The following AGBL1 variants were observed in gnomAD, a reference collection of about 807,000 sequenced individuals.
The protein encoded by AGBL1 is cytosolic carboxypeptidase 4.
Under a neutral mutation model 118.9 loss-of-function variants are expected in AGBL1, and 130 were observed. The ratio of observed to expected loss-of-function variants is 1.09; its 90% CI spans 0.95 to 1.26. The LOEUF is 1.26. Among genes scored for constraint, AGBL1 ranks in the 50% most tolerant of loss-of-function variants. The pLI is 0.00. For missense variants in AGBL1, 1,584 were observed against 1,298.1 expected, an observed-to-expected ratio of 1.22 and a Z score of -3.38; for synonymous variants, 555 against 478.9, an observed-to-expected ratio of 1.16 and a Z score of -2.08.
At chr15:86,386,748 C>G (rs2081202272) in intron 17 of AGBL1, among the ~76,000 whole-genome samples, 1 of 152,086 alleles carries the variant, frequency 6.6e-6, no homozygotes, top group Non-Finnish European at 1.5e-5. Flanking sequence ...AGCCTGGGAC[C>G]TTCATAGTAC....
At chr15:86,774,438 C>T (rs921324552) in intron 22 of AGBL1, among the ~76,000 whole-genome samples, 6 of 152,074 alleles carry the variant, frequency 3.9e-5, no homozygotes, top group Admixed American at 1.3e-4. Context: ...TCAATTTATT[C>T]GTTGAGCAAA....
chr15:86,298,637 C>T (rs1053411399), intron 17 of AGBL1, among the ~76,000 whole-genome samples: 7 of 152,196 alleles, frequency 4.6e-5, no homozygotes, highest in African/African-American at 1.7e-4. Context: ...GTTTTACCTG[C>T]TTCCTGCCTC....
chr15:86,244,644 A>G (rs2078692486), intron 6 of AGBL1, among the ~76,000 whole-genome samples: 1 of 152,202 alleles, frequency 6.6e-6, no homozygotes, highest in African/African-American at 2.4e-5. Context: ...CCAGAAAATT[A>G]AAGATTTTTT....
chr15:86,489,243 C>A (rs2082749456), intron 18 of AGBL1, among the ~76,000 whole-genome samples: 1 of 152,104 alleles, frequency 6.6e-6, no homozygotes, highest in African/African-American at 2.4e-5. Flanking sequence ...CTTCCATTTG[C>A]TTTTATATTT....
At chr15:86,535,468 T>C (rs553839579) in intron 19 of AGBL1, among the ~76,000 whole-genome samples, 1 of 152,360 alleles carries the variant, frequency 6.6e-6, no homozygotes, top group East Asian at 1.9e-4. Context: ...GCCTGGCCCC[T>C]GTGCTGTTCA....
intron 17 of AGBL1, among the ~76,000 whole-genome samples, chr15:86,297,344 A>T (rs1372342738): frequency 1.3e-5 from 2 of 152,342 alleles, no homozygotes; most frequent in Non-Finnish European, 2.9e-5. Context: ...TTTGACCTAG[A>T]TGAAAGGGCT....
chr15:86,363,269 C>T (rs561373640), intron 17 of AGBL1, among the ~76,000 whole-genome samples: 6 of 152,232 alleles, frequency 3.9e-5, no homozygotes, highest in South Asian at 2.1e-4. Context: ...CTGGGCACCT[C>T]CTGTTCTGCT....
intron 21 of AGBL1, among the ~76,000 whole-genome samples, chr15:86,601,520 C>T (rs905869148): frequency 2.0e-5 from 3 of 152,034 alleles, no homozygotes; most frequent in African/African-American, 4.8e-5. Flanking sequence ...TTAATTAATT[C>T]AATGAATTAA....
intron 22 of AGBL1, among the ~76,000 whole-genome samples, chr15:86,677,490 T>A (rs911801506): frequency 2.1e-4 from 32 of 152,196 alleles, no homozygotes; most frequent in African/African-American, 7.0e-4. Context: ...AGGAGCCGTT[T>A]ATCCATTGTG....
chr15:86,214,678 A>C (rs1231918222), intron 5 of AGBL1, among the ~76,000 whole-genome samples: 2 of 152,194 alleles, frequency 1.3e-5, no homozygotes, highest in African/African-American at 4.8e-5. Flanking sequence ...GGATTCCCAA[A>C]AGCTTTTGTC....
chr15:86,474,909 C>T (rs999701797), intron 18 of AGBL1, among the ~76,000 whole-genome samples: 6 of 152,240 alleles, frequency 3.9e-5, no homozygotes, highest in African/African-American at 1.2e-4. Context: ...GCAACATTTG[C>T]TGTTCAGCAA....
intron 22 of AGBL1, among the ~76,000 whole-genome samples, chr15:86,781,220 T>C (rs77417483): frequency 6.6e-6 from 1 of 152,314 alleles, no homozygotes; most frequent in East Asian, 1.9e-4. Flanking sequence ...TATGTGTTAA[T>C]TTATTTTCTC....
chr15:86,580,440 A>T (rs987566515), intron 21 of AGBL1, among the ~76,000 whole-genome samples: 2 of 152,106 alleles, frequency 1.3e-5, no homozygotes, highest in African/African-American at 4.8e-5. Context: ...TGGACCATAA[A>T]TGTATGAATT....
intron 22 of AGBL1, among the ~76,000 whole-genome samples, chr15:86,683,910 C>T (rs954300972): frequency 7.9e-5 from 12 of 152,132 alleles, no homozygotes; most frequent in South Asian, 2.1e-4. Flanking sequence ...ACATCATTAC[C>T]GCTTTCTCTT....
intron 21 of AGBL1, among the ~76,000 whole-genome samples, chr15:86,666,364 AT>A (rs1452345031): frequency 1.3e-5 from 2 of 152,148 alleles, no homozygotes; most frequent in Non-Finnish European, 2.9e-5. Flanking sequence ...TGATTTTTGT[AT>A]ATTTAATTTG....
At chr15:86,871,145 T>G (rs1253471069) in intron 22 of AGBL1, among the ~76,000 whole-genome samples, 1 of 152,142 alleles carries the variant, frequency 6.6e-6, no homozygotes, top group African/African-American at 2.4e-5. Flanking sequence ...GAAAAGCCGT[T>G]GTCATTTTGC....
rs116461036 is a variant in AGBL1, at chr15:87,012,435, C to T, written c.3324-16390C>T. On this transcript the variant is annotated intron_variant, in intron 24 of 24. Coordinates refer to the AGBL1 transcript ENST00000441037. ...AACCTCAATTACTGAATATATGGTT[C>T]GAATATATGGTTCAGTGGGGAAAAG... Among the ~76,000 whole-genome samples, 990 of 151,818 alleles carry T rather than the reference C, an allele frequency of 6.5e-3. 9 individuals carry two copies. Among genetic ancestry groups the T allele is most frequent in the African/African-American group, 0.023 (948 of 41,406 alleles).
chr15:86,275,590 G>A (rs977104759), intron 15 of AGBL1, among the ~76,000 whole-genome samples: 4 of 152,160 alleles, frequency 2.6e-5, no homozygotes, highest in African/African-American at 7.2e-5. Flanking sequence ...ACCTGAGTTC[G>A]TAACTATGCC....
intron 17 of AGBL1, among the ~76,000 whole-genome samples, chr15:86,321,144 T>C (rs2080098771): frequency 6.6e-6 from 1 of 152,210 alleles, no homozygotes; most frequent in African/African-American, 2.4e-5. Flanking sequence ...TATTTTTAAA[T>C]TCTCTGAAGA....
Sources: gnomAD v4.1 joint callset for allele counts (sites outside exome capture counted in the v4.1 genomes callset) on GRCh38, gnomAD v4.1.1 for gene constraint, MANE v1.5 for transcripts, NCBI Gene and HGNC (gene_info 2026-07-23, HGNC 2026-07-21) for gene names.